TRPM7: variants seen among roughly 807,000 people sequenced by gnomAD.
The protein encoded by TRPM7 is transient receptor potential cation channel subfamily M member 7, also known as LTRPC ion channel family member 7.
TRPM7 carries 134 observed loss-of-function variants against 229.7 expected under a neutral mutation model. The ratio of observed to expected loss-of-function variants is 0.58; its 90% CI spans 0.51 to 0.67. TRPM7 has a LOEUF of 0.67. Ranked by LOEUF, TRPM7 falls within the 30% of genes least tolerant of loss-of-function variation. The pLI is 0.00. For missense variants in TRPM7, 1,901 were observed against 2,210.0 expected (o/e 0.86, Z 2.80); for synonymous variants, 699 against 715.2 (o/e 0.98, Z 0.36).
At chr15:50,666,801 C>G (rs7167138) in intron 1 of TRPM7, among the ~76,000 whole-genome samples, 53,030 of 151,488 alleles carry the variant, frequency 0.35, 10,452 homozygotes, top group Admixed American at 0.48. Flanking sequence ...AAAACTGTCT[C>G]CAAAAAAAAA....
intron 17 of TRPM7, 33 bp from the exon 18 acceptor site, chr15:50,609,994 AAATT>A (rs747615405): frequency 2.1e-6 from 3 of 1,428,250 alleles, no homozygotes; most frequent in Non-Finnish European, 2.9e-6. Flanking sequence ...TTGCATTTAA[AAATT>A]AATGACCTTC....
At chr15:50,651,768 T>C (rs1471617446) in intron 3 of TRPM7, among the ~76,000 whole-genome samples, 1 of 152,054 alleles carries the variant, frequency 6.6e-6, no homozygotes, top group Non-Finnish European at 1.5e-5. Context: ...CAGTCGCCTG[T>C]AATCCCAGCT....
chr15:50,669,309 C>T (rs2061942839), intron 1 of TRPM7, among the ~76,000 whole-genome samples: 1 of 151,820 alleles, frequency 6.6e-6, no homozygotes, highest in South Asian at 2.1e-4. Flanking sequence ...GTGGTGTGTG[C>T]CTGTAATTCC....
intron 2 of TRPM7, among the ~76,000 whole-genome samples, chr15:50,659,147 T>C (rs2061663426): frequency 6.8e-6 from 1 of 147,070 alleles, no homozygotes; most frequent in African/African-American, 2.5e-5. Context: ...GCAGTGAGAC[T>C]ACGCCACTGC....
At chr15:50,564,261 A>ACATAAC (rs1566928124) in intron 38 of TRPM7, among the ~76,000 whole-genome samples, 13 of 51,542 alleles carry the variant, frequency 2.5e-4, no homozygotes, top group African/African-American at 7.6e-4. Context: ...AATAAAATAA[A>ACATAAC]ATAAAATAAA....
chr15:50,655,953 G>A (rs1461707381), intron 3 of TRPM7, among the ~76,000 whole-genome samples: 3 of 150,396 alleles, frequency 2.0e-5, no homozygotes, highest in East Asian at 2.0e-4. Context: ...TCGCACCACT[G>A]TATGCCATCT....
Position 50,642,395 on chromosome 15 carries a change from A to G in TRPM7, c.535+945T>C, listed in dbSNP as rs78144374. On this transcript the variant is annotated intron_variant, in intron 5 of 38. Coordinates refer to ENST00000646667, the MANE Select transcript of TRPM7 (RefSeq NM_017672.6). ...GACAATATATAAACTGATATGGTTAAGCTTTGCATCCCCACTCAAATCTGA... is the reference window on the plus strand; with the variant it reads ...GACAATATATAAACTGATATGGTTAGGCTTTGCATCCCCACTCAAATCTGA... 9.9e-3 allele frequency among the ~76,000 whole-genome samples: 1,502 copies of G among 152,318 alleles called. 25 individuals are homozygous for G. The highest frequency in any genetic ancestry group is 0.034 in the African/African-American group (1,434 of 41,568).
chr15:50,577,958 G>C (rs1053989632), intron 31 of TRPM7, among the ~76,000 whole-genome samples: 1 of 152,138 alleles, frequency 6.6e-6, no homozygotes, highest in Non-Finnish European at 1.5e-5. Flanking sequence ...GCAAGACACA[G>C]AACAGTATAT....
rs1444477785 is a variant in TRPM7 at position 50,591,923 on chromosome 15, C to T, written c.4312G>A (p.Gly1438Arg). The T allele has an allele frequency of 9.0e-6, 14 of 1,555,346 alleles. No individual in the cohort carries two copies. The highest frequency in any genetic ancestry group is 2.5e-5 in the South Asian group (2 of 79,598). Residue 1438 changes from glycine to arginine, a missense_variant, in exon 26 of 39, where the codon GGA (glycine) becomes AGA (arginine). This residue lies in a region of TRPM7 where 533 missense variants were observed against 497.1 expected (regional missense o/e 1.07). Coordinates refer to ENST00000646667, the MANE Select transcript of TRPM7 (RefSeq NM_017672.6). ...KATEGDNTEF[G>R]AFVGHRDSMD... Reference sequence around the variant, plus strand: ...TTGCCAAACTTACCTACAAATGCTCCAAATTCTGTATTATCTCCTTCTGTA... The same window carrying T: ...TTGCCAAACTTACCTACAAATGCTCTAAATTCTGTATTATCTCCTTCTGTA...
Position 50,632,964 on chromosome 15 carries a change from T to C in TRPM7, c.1036A>G (p.Ile346Val), listed in dbSNP as rs759582861. 1 of 1,599,250 alleles carries C rather than the reference T, an allele frequency of 6.3e-7. No individual in the cohort carries two copies. Among genetic ancestry groups the C allele is most frequent in the Admixed American group, 1.8e-5 (1 of 55,986 alleles). The change falls in exon 9 of 39, where the codon ATT becomes GTT. Residue 346 changes from isoleucine to valine, a missense_variant. Ile to Val is a conservative substitution (Grantham distance 29, BLOSUM62 3). This residue lies in a region of TRPM7 where 794 missense variants were observed against 881.9 expected (regional missense o/e 0.90). Transcript: ENST00000646667. Reference protein sequence around the residue: ...GNLPDAAEPDIISTIKKTFNF... With the variant: ...GNLPDAAEPDVISTIKKTFNF... The stretch of plus-strand genomic sequence containing the variant: ...AATGTTTTTTTGATAGTGGAAATAA[T>C]ATCGGGCTCTGCTGCATCAGGAAGA...
chr15:50,615,502 TGGTTAATTTTATTAAATAA>T (rs1567014961), intron 13 of TRPM7, among the ~76,000 whole-genome samples: 1 of 152,212 alleles, frequency 6.6e-6, no homozygotes, highest in African/African-American at 2.4e-5. Context: ...ATTTAAAAAC[TGGTTAATTTTATTAAATAA>T]TCTTAAAGGG....
Position 50,593,684 on chromosome 15 carries a change from ACATTTCAAC to A in TRPM7, c.3532_3540del (p.Val1178_Met1180del). On this transcript the variant is annotated inframe_deletion, in exon 25 of 39. Transcript: ENST00000646667. ...AATTTGTCATCTTTTTCATTGAAAT[ACATTTCAAC>A]ACACTGCTCTTCAAAATCATGAAGT... 1 of 1,610,900 alleles carries A rather than the reference ACATTTCAAC, an allele frequency of 6.2e-7. No individual in the cohort carries two copies.
intron 3 of TRPM7, 71 bp from the exon 4 acceptor site, chr15:50,648,956 G>A: frequency 8.3e-7 from 1 of 1,199,130 alleles, no homozygotes; most frequent in Non-Finnish European, 1.1e-6. Flanking sequence ...AATTAAAAGT[G>A]AATGAACCGA....
chr15:50,652,875 G>A (rs1443333176), intron 3 of TRPM7, among the ~76,000 whole-genome samples: 1 of 152,062 alleles, frequency 6.6e-6, no homozygotes, highest in Admixed American at 6.6e-5. Context: ...TACAAGAAAA[G>A]ACTAGGCCGG....
chr15:50,597,282 A>G (rs186166614), intron 22 of TRPM7, among the ~76,000 whole-genome samples: 1 of 152,360 alleles, frequency 6.6e-6, no homozygotes, highest in African/African-American at 2.4e-5. Context: ...TACAAGGAAT[A>G]AAGTAAATTA....
intron 25 of TRPM7, 50 bp downstream of exon 25, chr15:50,593,567 A>T (rs2059558454): frequency 6.4e-7 from 1 of 1,572,054 alleles, no homozygotes; most frequent in Non-Finnish European, 8.6e-7. Context: ...AATATAACGA[A>T]TAGATCCCAT....
intron 24 of TRPM7, 40 bp downstream of exon 24, chr15:50,594,384 AGAAGT>A (rs1260997406): frequency 6.9e-7 from 1 of 1,456,590 alleles, no homozygotes; most frequent in Non-Finnish European, 9.4e-7. Flanking sequence ...TGTAAAAATG[AGAAGT>A]GATAAAATGA....
chr15:50,621,724 T>C (rs974171771), intron 12 of TRPM7, among the ~76,000 whole-genome samples: 1 of 152,160 alleles, frequency 6.6e-6, no homozygotes, highest in African/African-American at 2.4e-5. Context: ...ATTTTTTTGT[T>C]TTCTTTAAAA....
intron 1 of TRPM7, among the ~76,000 whole-genome samples, chr15:50,679,853 CAA>C (rs1384494304): frequency 6.6e-6 from 1 of 151,850 alleles, no homozygotes; most frequent in Non-Finnish European, 1.5e-5. Flanking sequence ...CTGCTTTTAA[CAA>C]AGAGTTACAC....
Sources: gnomAD v4.1 joint callset for allele counts (sites outside exome capture counted in the v4.1 genomes callset) on GRCh38, gnomAD v4.1.1 for gene constraint, gnomAD v4.1.1 regional missense constraint, MANE v1.5 for transcripts, NCBI Gene and HGNC (gene_info 2026-07-23, HGNC 2026-07-21) for gene names.